Variants in CFAP77 observed in about 807,000 individuals in gnomAD.
CFAP77 encodes the protein cilia and flagella associated protein 77.
In CFAP77, 25 loss-of-function variants were observed where a neutral mutation model predicts 31.1. That is an observed-to-expected ratio of 0.80 (90% CI 0.59 to 1.12). The LOEUF is 1.12. Among genes scored for constraint, CFAP77 ranks in the 50% most tolerant of loss-of-function variants. The pLI is 0.00. For synonymous variants in CFAP77, 151 were observed against 159.9 expected (o/e 0.94, Z 0.42); for missense variants, 377 against 397.3 (o/e 0.95, Z 0.44).
intron 1 of CFAP77, among the ~76,000 whole-genome samples, chr9:132,438,199 CAAAAAAA>C (rs954482789): frequency 4.2e-5 from 2 of 47,888 alleles, no homozygotes; most frequent in African/African-American, 7.6e-5. Flanking sequence ...GAGACGCCAT[CAAAAAAA>C]AAAAAAAAAA....
chr9:132,538,109 C>A (rs983140869), intron 4 of CFAP77, among the ~76,000 whole-genome samples: 2 of 152,130 alleles, frequency 1.3e-5, no homozygotes, highest in African/African-American at 2.4e-5. Context: ...AGAGAAAAGG[C>A]CAATAAGGCA....
At chr9:132,414,547 A>G (rs1322379370) in intron 1 of CFAP77, among the ~76,000 whole-genome samples, 1 of 151,670 alleles carries the variant, frequency 6.6e-6, no homozygotes, top group Admixed American at 6.6e-5. Context: ...ACACGCAGGT[A>G]TGCACAAATA....
chr9:132,521,989 T>C (rs1202187615), intron 3 of CFAP77, among the ~76,000 whole-genome samples: 1 of 152,146 alleles, frequency 6.6e-6, no homozygotes, highest in East Asian at 1.9e-4. Flanking sequence ...CTTGAACTCC[T>C]GACCTCAAGT....
At chr9:132,417,846 A>G (rs1850132062) in intron 1 of CFAP77, among the ~76,000 whole-genome samples, 1 of 152,048 alleles carries the variant, frequency 6.6e-6, no homozygotes, top group African/African-American at 2.4e-5. Context: ...ACTTATAAAG[A>G]AACAGAGAAT....
chr9:132,484,005 C>T lies in CFAP77; in HGVS notation c.196-14690C>T, dbSNP rs1478685851. Among the ~76,000 whole-genome samples the T allele has an allele frequency of 3.3e-5, 5 of 149,592 alleles. No homozygotes were observed. In the East Asian group the frequency reaches 7.8e-4, roughly 23 times the overall value. ...AGGCTGGAGTGCAGTGGTGCAATCT[C>T]GGCTCACTGAAACCTCCACCTCCTA... On this transcript the variant is annotated intron_variant, in intron 1 of 5. Transcript: ENST00000393216.
chr9:132,443,236 T>G (rs995818482), intron 1 of CFAP77, among the ~76,000 whole-genome samples: 1 of 147,904 alleles, frequency 6.8e-6, no homozygotes, highest in Non-Finnish European at 1.5e-5. Flanking sequence ...AATAAAAAAG[T>G]TTTTTTTTTG....
At chr9:132,567,450 T>C (rs1426839776) in intron 5 of CFAP77, among the ~76,000 whole-genome samples, 1 of 152,178 alleles carries the variant, frequency 6.6e-6, no homozygotes, top group Non-Finnish European at 1.5e-5. Flanking sequence ...CCTTGTGTGG[T>C]TAGACTGAGC....
At chr9:132,428,576 T>C (rs781512294) in intron 1 of CFAP77, among the ~76,000 whole-genome samples, 1 of 151,872 alleles carries the variant, frequency 6.6e-6, no homozygotes, top group Non-Finnish European at 1.5e-5. Context: ...GATTGCACCA[T>C]TGCACTCCAG....
At chr9:132,537,482 TG>T in intron 3 of CFAP77, 118 bp from the exon 4 acceptor site, 1 of 662,984 alleles carries the variant, frequency 1.5e-6, no homozygotes, top group Non-Finnish European at 2.7e-6. Context: ...TTCACAGAGG[TG>T]GGAGTGATGT....
In CFAP77 at chr9:132,554,750, A is replaced by G. The variant is rs1852871527; in HGVS notation, c.732+11703A>G. 6.6e-6 allele frequency among the ~76,000 whole-genome samples: 1 copy of G among 152,220 alleles called. No homozygotes were observed. ...AAAACACTTCTTCCACTTAGAGTTT[A>G]AGCTGAGCAAAGCAGAGATCTTCAG... On this transcript the variant is annotated intron_variant, in intron 5 of 5. Coordinates refer to ENST00000393216, the MANE Select transcript of CFAP77 (RefSeq NM_001282957.2). This position sits in a 1 kb window ranked among gnomAD's most constrained non-coding sequence, Gnocchi z 4.1.
chr9:132,426,537 A>C (rs1270447232), intron 1 of CFAP77, among the ~76,000 whole-genome samples: 1 of 125,350 alleles, frequency 8.0e-6, no homozygotes, highest in Non-Finnish European at 1.6e-5. Flanking sequence ...TTCCTCTTCT[A>C]TATTATAATG....
intron 5 of CFAP77, among the ~76,000 whole-genome samples, chr9:132,566,944 C>A (rs746765743): frequency 6.6e-6 from 1 of 152,212 alleles, no homozygotes; most frequent in African/African-American, 2.4e-5. Context: ...TTCATTCATA[C>A]ATTTGGGGGC....
intron 1 of CFAP77, among the ~76,000 whole-genome samples, chr9:132,417,870 C>T (rs1850132361): frequency 8.0e-6 from 1 of 124,884 alleles, no homozygotes; most frequent in South Asian, 3.0e-4. Flanking sequence ...ACAAATCCAC[C>T]CAAGTGCTTA....
chr9:132,485,955 C>A (rs1851532388), intron 1 of CFAP77, among the ~76,000 whole-genome samples: 1 of 126,148 alleles, frequency 7.9e-6, no homozygotes, highest in Non-Finnish European at 1.6e-5. Context: ...TGGTGTCAGT[C>A]CAGGTGCTGG....
At chr9:132,461,157 T>C (rs1003355521) in intron 1 of CFAP77, among the ~76,000 whole-genome samples, 5 of 152,168 alleles carry the variant, frequency 3.3e-5, no homozygotes, top group African/African-American at 9.7e-5. Flanking sequence ...TGAATGAAGG[T>C]TGGCTTTTAA....
intron 3 of CFAP77, among the ~76,000 whole-genome samples, chr9:132,513,090 A>G (rs1213336311): frequency 6.6e-6 from 1 of 152,164 alleles, no homozygotes; most frequent in East Asian, 1.9e-4. Context: ...ATGTTTCGAT[A>G]CTGGCATGTA....
At chr9:132,563,406 T>C (rs1163420755) in intron 5 of CFAP77, among the ~76,000 whole-genome samples, 1 of 152,196 alleles carries the variant, frequency 6.6e-6, no homozygotes, top group Non-Finnish European at 1.5e-5. Context: ...GAGCTGCATG[T>C]GGCTGGGGGC....
intron 3 of CFAP77, among the ~76,000 whole-genome samples, chr9:132,534,166 G>T (rs1222377002): frequency 6.6e-6 from 1 of 152,162 alleles, no homozygotes; most frequent in Non-Finnish European, 1.5e-5. Context: ...TGACCCATCT[G>T]CTGGGAAGCT....
At chr9:132,560,464 C>A (rs1852976683) in intron 5 of CFAP77, among the ~76,000 whole-genome samples, 1 of 152,252 alleles carries the variant, frequency 6.6e-6, no homozygotes, top group Non-Finnish European at 1.5e-5. Flanking sequence ...TAGCGTCTAG[C>A]AAACAGCTTC....
Sources: gnomAD v4.1 joint callset for allele counts (sites outside exome capture counted in the v4.1 genomes callset) on GRCh38, gnomAD v4.1.1 for gene constraint, Gnocchi (gnomAD v3.1) non-coding constraint, MANE v1.5 for transcripts, NCBI Gene and HGNC (gene_info 2026-07-23, HGNC 2026-07-21) for gene names.